The following HMGB1 variants were observed in gnomAD, a reference collection of about 807,000 sequenced individuals.
HMGB1 encodes the protein high mobility group protein B1.
For synonymous variants in HMGB1, 81 were observed against 84.0 expected (o/e 0.96, Z 0.19); for missense variants, 79 against 253.5 (o/e 0.31, Z 4.67).
At chr13:30,488,694 T>C (rs1027312257) in intron 1 of HMGB1, among the ~76,000 whole-genome samples, 3 of 124,256 alleles carry the variant, frequency 2.4e-5, no homozygotes, top group Non-Finnish European at 3.5e-5. Context: ...ATTATTATTA[T>C]TACTTTTAGA....
At chr13:30,518,615 G>A (rs993560630) in intron 1 of HMGB1, among the ~76,000 whole-genome samples, 1 of 151,910 alleles carries the variant, frequency 6.6e-6, no homozygotes, top group East Asian at 1.9e-4. Context: ...TTATTGTTAG[G>A]TGCCAATGAG....
chr13:30,513,237 G>A (rs988326212), intron 1 of HMGB1, among the ~76,000 whole-genome samples: 1 of 152,058 alleles, frequency 6.6e-6, no homozygotes, highest in African/African-American at 2.4e-5. Context: ...TTTTAACCTG[G>A]ATTCCATTTT....
intron 1 of HMGB1, among the ~76,000 whole-genome samples, chr13:30,560,995 G>C (rs1869927982): frequency 1.3e-5 from 2 of 151,722 alleles, no homozygotes; most frequent in African/African-American, 2.4e-5. Context: ...CTGTAGAAAT[G>C]AAAGAAGAGT....
At chr13:30,589,009 T>TC (rs1330941930) in intron 1 of HMGB1, among the ~76,000 whole-genome samples, 1 of 146,632 alleles carries the variant, frequency 6.8e-6, no homozygotes, top group Non-Finnish European at 1.5e-5. Flanking sequence ...GTTTACCACT[T>TC]TTTTTTTTTT....
At chr13:30,486,506 G>C (rs987222065) in intron 1 of HMGB1, among the ~76,000 whole-genome samples, 4 of 152,208 alleles carry the variant, frequency 2.6e-5, no homozygotes, top group Non-Finnish European at 4.4e-5. Context: ...CCACAATCTG[G>C]TAGTCTGAAT....
intron 1 of HMGB1, among the ~76,000 whole-genome samples, chr13:30,558,028 G>T (rs1461274343): frequency 4.0e-5 from 6 of 151,850 alleles, no homozygotes; most frequent in Non-Finnish European, 5.9e-5. Flanking sequence ...TGCTAAAATT[G>T]TAATGACATA....
At chr13:30,470,428 T>A (rs1474987575), upstream of HMGB1, among the ~76,000 whole-genome samples, 1 of 152,140 alleles carries the variant, frequency 6.6e-6, no homozygotes, top group East Asian at 1.9e-4. Context: ...GCCAATTACA[T>A]CTCATTGACG....
At chr13:30,487,924 A>T (rs1454465415) in intron 1 of HMGB1, among the ~76,000 whole-genome samples, 1 of 152,058 alleles carries the variant, frequency 6.6e-6, no homozygotes, top group African/African-American at 2.4e-5. Context: ...GCATTGGTTT[A>T]AAAAAAATTC....
rs528653934 is a variant in HMGB1, at chr13:30,494,275, T to C, written c.-14-30581A>G. ...TTCATTTGTATCTTTAAACTCTTTC[T>C]CAAATTTATCTCTAACCTTGTTTGT... On this transcript the variant is annotated intron_variant, in intron 1 of 4. Coordinates refer to the HMGB1 transcript ENST00000405805. 4.6e-5 allele frequency among the ~76,000 whole-genome samples: 7 copies of C among 152,320 alleles called. No homozygotes were observed. In the East Asian group the frequency reaches 1.2e-3, roughly 25 times the overall value.
rs568554976 is a variant in HMGB1 at position 30,599,216 on chromosome 13, C to T, written c.-15+17455G>A. ...GGGCACAACGGCTCACGCCTGTAAT[C>T]CCAGTACTTTATGAGGCCAAGGTGG... On this transcript the variant is annotated intron_variant, in intron 1 of 4. Transcript: ENST00000405805. 2.7e-4 allele frequency among the ~76,000 whole-genome samples: 41 copies of T among 152,316 alleles called. No individual in the cohort carries two copies. In the South Asian group the frequency reaches 8.3e-3, roughly 31 times the overall value.
chr13:30,478,497 G>A (rs1887150548), intron 1 of HMGB1, among the ~76,000 whole-genome samples: 1 of 152,050 alleles, frequency 6.6e-6, no homozygotes, highest in Non-Finnish European at 1.5e-5. Context: ...AAATTCTTAT[G>A]AATACTAAAC....
chr13:30,610,173 C>T (rs1242971313), intron 1 of HMGB1, among the ~76,000 whole-genome samples: 1 of 152,116 alleles, frequency 6.6e-6, no homozygotes, highest in Non-Finnish European at 1.5e-5. Context: ...CGTTAGTCAA[C>T]AATATATGCT....
chr13:30,537,662 T>G (rs1018183822), intron 1 of HMGB1, among the ~76,000 whole-genome samples: 1 of 74,974 alleles, frequency 1.3e-5, no homozygotes, highest in Non-Finnish European at 2.4e-5. Context: ...CATATATATA[T>G]ATATATATAT....
intron 1 of HMGB1, among the ~76,000 whole-genome samples, chr13:30,567,527 C>T (rs1245945980): frequency 1.3e-5 from 2 of 151,792 alleles, no homozygotes; most frequent in African/African-American, 2.4e-5. Context: ...TTTTTTTGTA[C>T]TTTTAGTAGA....
chr13:30,500,301 C>T (rs1887705102), intron 1 of HMGB1, among the ~76,000 whole-genome samples: 1 of 152,156 alleles, frequency 6.6e-6, no homozygotes, highest in Non-Finnish European at 1.5e-5. Context: ...ATTACCGAGT[C>T]TCAGGTATTC....
Position 30,486,612 on chromosome 13 carries a change from T to C in HMGB1, c.-14-22918A>G, listed in dbSNP as rs376136748. 1.3e-4 allele frequency among the ~76,000 whole-genome samples: 20 copies of C among 152,326 alleles called. No homozygotes were observed. In the East Asian group the frequency reaches 1.4e-3, roughly 10 times the overall value. ...AAGAGAAAAATAAAGCAGGGGAACCTGTTGGACAGGACTGTCAAGGCCACT... is the reference window on the plus strand; with the variant it reads ...AAGAGAAAAATAAAGCAGGGGAACCCGTTGGACAGGACTGTCAAGGCCACT... On this transcript the variant is annotated intron_variant, in intron 1 of 4. Coordinates refer to the HMGB1 transcript ENST00000405805.
chr13:30,471,877 G>C (rs374655525), intron 1 of HMGB1, among the ~76,000 whole-genome samples: 11 of 150,836 alleles, frequency 7.3e-5, no homozygotes, highest in Admixed American at 5.3e-4. Flanking sequence ...ACCATGGCCA[G>C]GCTGGTCTTG....
chr13:30,589,819 A>G (rs1871298371), intron 1 of HMGB1, among the ~76,000 whole-genome samples: 1 of 152,082 alleles, frequency 6.6e-6, no homozygotes, highest in African/African-American at 2.4e-5. Context: ...GCCATGAGCC[A>G]AGATTGTGCC....
intron 1 of HMGB1, among the ~76,000 whole-genome samples, chr13:30,561,562 A>G (rs1488894158): frequency 6.6e-6 from 1 of 152,126 alleles, no homozygotes; most frequent in African/African-American, 2.4e-5. Flanking sequence ...GTTGCGAGAA[A>G]AAAAGTCAGT....
Sources: allele counts gnomAD v4.1 joint callset (sites outside exome capture counted in the v4.1 genomes callset), GRCh38; gene constraint gnomAD v4.1.1; transcripts MANE v1.5; gene names NCBI Gene and HGNC (gene_info 2026-07-23, HGNC 2026-07-21).